The following RNF125 variants were observed in gnomAD, a reference collection of about 807,000 sequenced individuals.
The protein encoded by RNF125 is ring finger protein 125.
In RNF125, 21 loss-of-function variants were observed where a neutral mutation model predicts 26.0. The ratio of observed to expected loss-of-function variants is 0.81; its 90% CI spans 0.57 to 1.16. The LOEUF is 1.16. Among genes scored for constraint, RNF125 ranks in the 50% most tolerant of loss-of-function variants. RNF125 has a pLI of 0.00. For missense variants in RNF125, 270 were observed against 299.4 expected (o/e 0.90, Z 0.72); for synonymous variants, 95 against 109.2 (o/e 0.87, Z 0.81).
intron 1 of RNF125, 31 bp downstream of exon 1, chr18:32,019,058 AC>A: frequency 6.2e-7 from 1 of 1,604,478 alleles, no homozygotes; most frequent in Non-Finnish European, 8.5e-7. Flanking sequence ...GTTTGCGCCC[AC>A]CCCTAAGGAG....
chr18:32,052,464 GC>G (rs1227352484), intron 4 of RNF125, among the ~76,000 whole-genome samples: 2 of 145,464 alleles, frequency 1.4e-5, no homozygotes, highest in Non-Finnish European at 3.0e-5. Flanking sequence ...CTGCATTCTA[GC>G]CTGGGTGACA....
At chr18:32,048,926 A>T (rs914285826) in intron 4 of RNF125, among the ~76,000 whole-genome samples, 2 of 152,214 alleles carry the variant, frequency 1.3e-5, no homozygotes, top group Non-Finnish European at 2.9e-5. Flanking sequence ...CTGAGTTATA[A>T]GTATTTTCTT....
intron 1 of RNF125, among the ~76,000 whole-genome samples, chr18:32,029,567 C>T (rs62093935): frequency 0.025 from 3,838 of 150,524 alleles, 66 homozygotes; most frequent in Non-Finnish European, 0.038. Flanking sequence ...CTGCTGTGAG[C>T]AGTGATTGCA....
chr18:32,041,281 T>A (rs1247521061), intron 2 of RNF125, among the ~76,000 whole-genome samples: 1 of 152,170 alleles, frequency 6.6e-6, no homozygotes, highest in East Asian at 1.9e-4. Context: ...CTTTTATGTT[T>A]GCTCTTAATG....
At chr18:32,020,564 A>G (rs1433717162) in intron 1 of RNF125, among the ~76,000 whole-genome samples, 1 of 151,366 alleles carries the variant, frequency 6.6e-6, no homozygotes, top group African/African-American at 2.4e-5. Flanking sequence ...TTTGAGGACC[A>G]CTTTTGAAAG....
chr18:32,039,155 AC>A (rs1211956646), intron 2 of RNF125, among the ~76,000 whole-genome samples: 1 of 151,350 alleles, frequency 6.6e-6, no homozygotes, highest in Non-Finnish European at 1.5e-5. Flanking sequence ...TAATCCCAGC[AC>A]TTTGGGAGCC....
intron 3 of RNF125, among the ~76,000 whole-genome samples, chr18:32,043,436 A>G (rs1251825234): frequency 6.6e-6 from 1 of 152,374 alleles, no homozygotes; most frequent in East Asian, 1.9e-4. Flanking sequence ...AAAAGTCTAA[A>G]CAATCACCTC....
intron 1 of RNF125, among the ~76,000 whole-genome samples, chr18:32,019,381 A>C (rs1472478509): frequency 6.6e-6 from 1 of 152,082 alleles, no homozygotes; most frequent in Non-Finnish European, 1.5e-5. Flanking sequence ...GCGCTCGCCC[A>C]GGCACGGAAA....
At position 32,019,102 on chromosome 18, in the gene RNF125, G is replaced by C. The variant is rs1432980072; in HGVS notation, c.164+75G>C. The C allele has an allele frequency of 3.2e-6, 5 of 1,541,748 alleles. No individual in the cohort carries two copies. In the Admixed American group the frequency reaches 7.6e-5, roughly 23 times the overall value. ...TGGGGAAGCTGAGGGCATGGTGTGG[G>C]GAAGGAGGGGGACGGAAGACAGCCT... is the stretch of plus-strand genomic sequence containing the variant. On this transcript the variant is annotated intron_variant, in intron 1 of 5. Coordinates refer to ENST00000217740, the MANE Select transcript of RNF125 (RefSeq NM_017831.4).
chr18:32,048,727 G>A (rs1325648393), intron 4 of RNF125, among the ~76,000 whole-genome samples: 1 of 152,144 alleles, frequency 6.6e-6, no homozygotes, highest in African/African-American at 2.4e-5. Flanking sequence ...GTTGGCAATT[G>A]GAATGGCTAA....
At position 32,070,393 on chromosome 18, in the gene RNF125, A is replaced by T. The variant is rs1346937903; in HGVS notation, c.*2009A>T. The T allele has an allele frequency of 2.6e-5, 4 of 152,140 alleles. No individual in the cohort carries two copies. Among genetic ancestry groups the T allele is most frequent in the African/African-American group, 9.7e-5 (4 of 41,414 alleles). The allele number at this position is 152,140 out of a possible 1,614,324, so 9.4% of individuals were successfully genotyped here. On this transcript the variant is annotated 3_prime_UTR_variant, in exon 6 of 6. Transcript: ENST00000217740. ...TCACCATAATAGCCAGGCTGGTCTC[A>T]AACTCCTTACCTTGTGATCCGCCCA...
chr18:32,074,605 C>T (rs537443036), downstream of RNF125, among the ~76,000 whole-genome samples: 56 of 152,132 alleles, frequency 3.7e-4, no homozygotes, highest in Middle Eastern at 6.8e-3. Context: ...TGCAGTGGCA[C>T]GATCTCAGCT....
At chr18:32,075,792 A>C (rs747920232), downstream of RNF125, 2 of 579,196 alleles carry the variant, frequency 3.5e-6, no homozygotes, top group Non-Finnish European at 3.1e-6. Flanking sequence ...TCACTGCTTA[A>C]AATGCTCCCA....
chr18:32,032,099 C>T lies in RNF125; in HGVS notation c.165-5017C>T, dbSNP rs143310344. On this transcript the variant is annotated intron_variant, in intron 1 of 5. Coordinates refer to ENST00000217740, the MANE Select transcript of RNF125 (RefSeq NM_017831.4). ...ATTTTTGTTTTGTTTTGTTTTGAGA[C>T]GGAGTCTTCCTCTGTCACCCAGGCT... Among the ~76,000 whole-genome samples the T allele has an allele frequency of 6.0e-5, 9 of 151,158 alleles. No homozygotes were observed. In the East Asian group the frequency reaches 7.8e-4, roughly 13 times the overall value.
intron 1 of RNF125, among the ~76,000 whole-genome samples, chr18:32,022,822 C>G (rs1188398761): frequency 6.6e-6 from 1 of 151,512 alleles, no homozygotes; most frequent in Non-Finnish European, 1.5e-5. Context: ...TAGATTTTCT[C>G]TACAGATGCA....
chr18:32,051,694 C>T (rs1399368598), intron 4 of RNF125, among the ~76,000 whole-genome samples: 7 of 118,014 alleles, frequency 5.9e-5, no homozygotes, highest in East Asian at 2.6e-4. Flanking sequence ...TATTTTCTTT[C>T]TTTTTTTTTT....
chr18:32,052,191 C>A (rs771683334), intron 4 of RNF125, among the ~76,000 whole-genome samples: 1 of 151,818 alleles, frequency 6.6e-6, no homozygotes, highest in African/African-American at 2.4e-5. Context: ...AAAAAAAAAT[C>A]TCCAATAGAT....
chr18:32,020,916 A>G (rs888638713), intron 1 of RNF125, among the ~76,000 whole-genome samples: 5 of 152,090 alleles, frequency 3.3e-5, no homozygotes, highest in African/African-American at 1.2e-4. Flanking sequence ...CTCAAAAAAA[A>G]GAAAGAAAAA....
chr18:32,032,585 A>G (rs2039108565), intron 1 of RNF125, among the ~76,000 whole-genome samples: 1 of 152,066 alleles, frequency 6.6e-6, no homozygotes, highest in Non-Finnish European at 1.5e-5. Flanking sequence ...GATACTTTCC[A>G]TAAACAGTCA....
Sources: allele counts gnomAD v4.1 joint callset (sites outside exome capture counted in the v4.1 genomes callset), GRCh38; gene constraint gnomAD v4.1.1; transcripts MANE v1.5; gene names NCBI Gene and HGNC (gene_info 2026-07-23, HGNC 2026-07-21).